Variants in SLC25A26 observed in about 807,000 individuals in gnomAD.
The protein encoded by SLC25A26 is solute carrier family 25 member 26.
In SLC25A26, 36 loss-of-function variants were observed where a neutral mutation model predicts 37.8. That is an observed-to-expected ratio of 0.95 (90% CI 0.73 to 1.26). The LOEUF is 1.26. Among genes scored for constraint, SLC25A26 ranks in the 50% most tolerant of loss-of-function variants. The pLI is 0.00. For missense variants in SLC25A26, 390 were observed against 331.1 expected, an observed-to-expected ratio of 1.18 and a Z score of -1.38; for synonymous variants, 129 against 122.5, an observed-to-expected ratio of 1.05 and a Z score of -0.35.
intron 5 of SLC25A26, among the ~76,000 whole-genome samples, chr3:66,325,048 G>A (rs188577443): frequency 6.6e-6 from 1 of 152,268 alleles, no homozygotes; most frequent in Admixed American, 6.5e-5. Flanking sequence ...GGGTCCTTCT[G>A]AGAGAAATTC....
chr3:66,274,170 A>C (rs1374597387), intron 5 of SLC25A26, among the ~76,000 whole-genome samples: 2 of 151,392 alleles, frequency 1.3e-5, no homozygotes, highest in Non-Finnish European at 3.0e-5. Flanking sequence ...TATTTAATAA[A>C]TGGTGCTGGG....
At chr3:66,374,508 T>C (rs1452480666) in intron 9 of SLC25A26, among the ~76,000 whole-genome samples, 1 of 152,170 alleles carries the variant, frequency 6.6e-6, no homozygotes, top group African/African-American at 2.4e-5. Flanking sequence ...TGAGACACAA[T>C]ATTGCAGTTA....
At chr3:66,278,570 G>A (rs529755006) in intron 5 of SLC25A26, among the ~76,000 whole-genome samples, 1 of 152,184 alleles carries the variant, frequency 6.6e-6, no homozygotes, top group South Asian at 2.1e-4. Flanking sequence ...CTTTGGGATG[G>A]AAGATGTGAT....
chr3:66,139,687 A>G (rs574030736), intron 1 of SLC25A26, among the ~76,000 whole-genome samples: 42 of 152,348 alleles, frequency 2.8e-4, no homozygotes, highest in Non-Finnish European at 5.4e-4. Context: ...AGTGTTACAC[A>G]TGCATAACCT....
chr3:66,319,844 C>G (rs1171659878), intron 5 of SLC25A26, among the ~76,000 whole-genome samples: 2 of 137,436 alleles, frequency 1.5e-5, no homozygotes, highest in Non-Finnish European at 3.0e-5. Flanking sequence ...ACCTCTACTT[C>G]CCAGGTTCAA....
At position 66,342,798 on chromosome 3, in the gene SLC25A26, T is replaced by C. The variant is rs143581263; in HGVS notation, c.454-3566T>C. Among the ~76,000 whole-genome samples the C allele has an allele frequency of 1.3e-3, 205 of 152,330 alleles. 2 individuals carry two copies. The highest frequency in any genetic ancestry group is 4.6e-3 in the African/African-American group (191 of 41,580). Reference sequence around the variant, plus strand: ...ATTACTAAGTGGAATCCATGTTGAATTTTGGCAGGCTTTTTCCCCCTCCAT... The same window carrying C: ...ATTACTAAGTGGAATCCATGTTGAACTTTGGCAGGCTTTTTCCCCCTCCAT... On this transcript the variant is annotated intron_variant, in intron 5 of 9. Transcript: ENST00000354883.
intron 1 of SLC25A26, among the ~76,000 whole-genome samples, chr3:66,175,076 C>G (rs2070557781): frequency 7.4e-6 from 1 of 134,352 alleles, no homozygotes; most frequent in African/African-American, 2.7e-5. Context: ...ACAGAACCAA[C>G]AGGACATTAT....
At chr3:66,202,762 C>G (rs2071127779) in intron 1 of SLC25A26, among the ~76,000 whole-genome samples, 1 of 151,974 alleles carries the variant, frequency 6.6e-6, no homozygotes, top group African/African-American at 2.4e-5. Context: ...AAAAAAGAGA[C>G]AAAAGAAGGA....
chr3:66,332,865 C>T (rs974587329), intron 5 of SLC25A26, among the ~76,000 whole-genome samples: 1 of 152,174 alleles, frequency 6.6e-6, no homozygotes, highest in Non-Finnish European at 1.5e-5. Context: ...TCATTTGTCC[C>T]TCAATCAGAG....
At chr3:66,346,285 T>C in intron 5 of SLC25A26, 79 bp from the exon 6 acceptor site, 1 of 638,358 alleles carries the variant, frequency 1.6e-6, no homozygotes, top group Non-Finnish European at 2.6e-6. Flanking sequence ...TGAAATAATA[T>C]TTACAGGCTC....
intron 5 of SLC25A26, among the ~76,000 whole-genome samples, chr3:66,264,692 A>G (rs905331415): frequency 4.6e-5 from 7 of 152,214 alleles, no homozygotes; most frequent in Admixed American, 1.3e-4. Context: ...TGGTCCATGG[A>G]AAATTTTCTT....
At chr3:66,171,726 G>A (rs991493150) in intron 1 of SLC25A26, among the ~76,000 whole-genome samples, 1 of 152,154 alleles carries the variant, frequency 6.6e-6, no homozygotes, top group Non-Finnish European at 1.5e-5. Flanking sequence ...CTGGCCTCAA[G>A]TGAGCTGCCT....
intron 1 of SLC25A26, among the ~76,000 whole-genome samples, chr3:66,166,384 C>T (rs1412275654): frequency 6.6e-6 from 1 of 152,190 alleles, no homozygotes; most frequent in Non-Finnish European, 1.5e-5. Flanking sequence ...AACAACTCTC[C>T]TTGCTGCATT....
intron 6 of SLC25A26, among the ~76,000 whole-genome samples, chr3:66,357,276 TG>T (rs2076597823): frequency 6.6e-6 from 1 of 152,160 alleles, no homozygotes; most frequent in African/African-American, 2.4e-5. Flanking sequence ...TAGCCGGGCA[TG>T]ATGGCCCTTG....
chr3:66,205,966 C>T (rs1057256808), intron 1 of SLC25A26, among the ~76,000 whole-genome samples: 4 of 152,098 alleles, frequency 2.6e-5, no homozygotes, highest in Admixed American at 6.5e-5. Flanking sequence ...ATAAAGTATG[C>T]GTAATAGAGC....
At chr3:66,297,779 T>G (rs1024483964) in intron 5 of SLC25A26, among the ~76,000 whole-genome samples, 3 of 152,248 alleles carry the variant, frequency 2.0e-5, no homozygotes, top group African/African-American at 7.2e-5. Flanking sequence ...CCATAAAGCC[T>G]AAGCTATTTA....
At chr3:66,323,099 T>A (rs1203646612) in intron 5 of SLC25A26, among the ~76,000 whole-genome samples, 2 of 150,780 alleles carry the variant, frequency 1.3e-5, no homozygotes, top group African/African-American at 4.8e-5. Flanking sequence ...AAATAGGCAT[T>A]GTGGAGATGC....
chr3:66,362,831 C>G, intron 6 of SLC25A26, 29 bp from the exon 7 acceptor site: 2 of 1,492,502 alleles, frequency 1.3e-6, no homozygotes, highest in South Asian at 1.3e-5. Flanking sequence ...TATTTAATAA[C>G]TTGTATTTTT....
chr3:66,291,637 G>A (rs2074712371), intron 5 of SLC25A26, among the ~76,000 whole-genome samples: 1 of 152,140 alleles, frequency 6.6e-6, no homozygotes, highest in Non-Finnish European at 1.5e-5. Flanking sequence ...TTAATCCTGA[G>A]TTCTAATTTG....
Sources: allele counts gnomAD v4.1 joint callset (sites outside exome capture counted in the v4.1 genomes callset), GRCh38; gene constraint gnomAD v4.1.1; transcripts MANE v1.5; gene names NCBI Gene and HGNC (gene_info 2026-07-23, HGNC 2026-07-21).